The following ZFHX3 variants were observed in gnomAD, a reference collection of about 807,000 sequenced individuals.
ZFHX3 encodes zinc finger homeobox protein 3.
Under a neutral mutation model 279.1 loss-of-function variants are expected in ZFHX3, and 42 were observed. The ratio of observed to expected loss-of-function variants is 0.15; its 90% CI spans 0.12 to 0.19. ZFHX3 has a LOEUF of 0.19. Among genes scored for constraint, ZFHX3 ranks in the 10% least tolerant of loss-of-function variants. The pLI, the probability that ZFHX3 is intolerant of heterozygous loss-of-function variation, is 1.00. For synonymous variants in ZFHX3, 2,293 were observed against 1,957.8 expected, an observed-to-expected ratio of 1.17 and a Z score of -4.52; for missense variants, 4,981 against 4,754.0, an observed-to-expected ratio of 1.05 and a Z score of -1.40.
At chr16:73,416,556 G>A (rs1443128594) in intron 3 of ZFHX3, among the ~76,000 whole-genome samples, 1 of 152,154 alleles carries the variant, frequency 6.6e-6, no homozygotes, top group Non-Finnish European at 1.5e-5. Context: ...GGTGCTGCCA[G>A]GGGTACTCAA....
chr16:73,251,678 A>AC (rs1273848594), intron 5 of ZFHX3, among the ~76,000 whole-genome samples: 1 of 151,746 alleles, frequency 6.6e-6, no homozygotes, highest in African/African-American at 2.4e-5. Flanking sequence ...ACATTCACAC[A>AC]CATACACACC....
intron 2 of ZFHX3, among the ~76,000 whole-genome samples, chr16:73,622,506 G>T (rs1945461918): frequency 6.6e-6 from 1 of 152,150 alleles, no homozygotes; most frequent in South Asian, 2.1e-4. Context: ...AGCTTGCAGT[G>T]AGCCGAGATC....
intron 5 of ZFHX3, among the ~76,000 whole-genome samples, chr16:73,240,118 T>C (rs1011690043): frequency 2.0e-5 from 3 of 152,124 alleles, no homozygotes; most frequent in Admixed American, 6.5e-5. Flanking sequence ...CATACCTGAA[T>C]GAAGCTTAAT....
intron 2 of ZFHX3, among the ~76,000 whole-genome samples, chr16:73,641,945 G>A (rs370093408): frequency 2.0e-5 from 3 of 152,072 alleles, no homozygotes; most frequent in Non-Finnish European, 4.4e-5. Context: ...GATAGGTGAC[G>A]CGAGCTCTGG....
intron 1 of ZFHX3, among the ~76,000 whole-genome samples, chr16:73,840,852 C>A (rs879158727): frequency 6.6e-6 from 1 of 152,238 alleles, no homozygotes; most frequent in Middle Eastern, 3.4e-3. Flanking sequence ...CCCTTGGCAA[C>A]CATTTCACTC....
intron 1 of ZFHX3, among the ~76,000 whole-genome samples, chr16:72,976,851 C>T (rs1962369916): frequency 6.6e-6 from 1 of 152,172 alleles, no homozygotes; most frequent in African/African-American, 2.4e-5. Context: ...GCTGGGGAAC[C>T]CGGAGGCCCT....
intron 2 of ZFHX3, among the ~76,000 whole-genome samples, chr16:73,541,226 T>G (rs1332406863): frequency 6.6e-6 from 1 of 152,192 alleles, no homozygotes; most frequent in Non-Finnish European, 1.5e-5. Flanking sequence ...AAACACATGC[T>G]ATCATCCCAG....
At chr16:72,818,893 T>C (rs2036696595) in intron 5 of ZFHX3, among the ~76,000 whole-genome samples, 1 of 152,212 alleles carries the variant, frequency 6.6e-6, no homozygotes, top group African/African-American at 2.4e-5. Context: ...TTCACAGGCC[T>C]TTTGTTTCTA....
At chr16:73,457,973 G>A (rs1300793258) in intron 2 of ZFHX3, among the ~76,000 whole-genome samples, 1 of 152,098 alleles carries the variant, frequency 6.6e-6, no homozygotes, top group African/African-American at 2.4e-5. Context: ...AAGCTCAGGT[G>A]TTTAACAGAT....
intron 2 of ZFHX3, among the ~76,000 whole-genome samples, chr16:73,625,823 G>T (rs1225793058): frequency 6.6e-6 from 1 of 152,174 alleles, no homozygotes; most frequent in Non-Finnish European, 1.5e-5. Flanking sequence ...TCTAAAAGCT[G>T]CCTGTCCTCT....
chr16:72,855,321 A>G (rs1280819864), intron 4 of ZFHX3, among the ~76,000 whole-genome samples: 1 of 152,228 alleles, frequency 6.6e-6, no homozygotes, highest in Admixed American at 6.5e-5. Context: ...GAGCGCGTGC[A>G]CGCGTGTGAA....
intron 3 of ZFHX3, among the ~76,000 whole-genome samples, chr16:72,896,114 T>C (rs940981773): frequency 1.3e-5 from 2 of 152,196 alleles, no homozygotes; most frequent in African/African-American, 4.8e-5. Context: ...CCAAATGCTG[T>C]GCAGCGGATA....
Position 72,787,860 on chromosome 16 carries a change from C to T in ZFHX3, c.10416G>A (p.Ala3472=), listed in dbSNP as rs896836833. 5 of 1,613,876 alleles carry T rather than the reference C, an allele frequency of 3.1e-6. No individual in the cohort carries two copies. Among genetic ancestry groups the T allele is most frequent in the African/African-American group, 1.3e-5 (1 of 75,006 alleles). ...TCGCTGCCTCCTCGTCGCTGAAGCC[C>T]GCCTGGCACTTGCGGCAGACCAACT... The part of the protein sequence containing the change: ...QYKLVCRKCQ[A]GFSDEEAARS... The change falls in exon 10 of 10, where the codon GCG becomes GCA. Residue 3472 remains alanine (A), a synonymous_variant. Coordinates refer to ENST00000268489, the MANE Select transcript of ZFHX3 (RefSeq NM_006885.4).
intron 2 of ZFHX3, among the ~76,000 whole-genome samples, chr16:73,484,155 G>T (rs534125979): frequency 1.3e-5 from 2 of 152,152 alleles, no homozygotes; most frequent in African/African-American, 4.8e-5. Context: ...TTCCCGCCCA[G>T]AGTCCTAGGT....
intron 3 of ZFHX3, among the ~76,000 whole-genome samples, chr16:72,900,673 C>T (rs997414853): frequency 5.9e-5 from 9 of 152,188 alleles, no homozygotes; most frequent in African/African-American, 1.9e-4. Flanking sequence ...GAGCGTGCAT[C>T]GGAAGCACCT....
At chr16:73,251,799 C>CAA (rs2013502528) in intron 5 of ZFHX3, among the ~76,000 whole-genome samples, 1 of 141,670 alleles carries the variant, frequency 7.1e-6, no homozygotes, top group African/African-American at 2.7e-5. Flanking sequence ...ACCATGCACA[C>CAA]ACGCACACAC....
At chr16:73,299,384 C>T (rs961399743) in intron 4 of ZFHX3, among the ~76,000 whole-genome samples, 1 of 152,182 alleles carries the variant, frequency 6.6e-6, no homozygotes, top group African/African-American at 2.4e-5. Context: ...GCAGTTCTAC[C>T]TCCAACATCA....
intron 3 of ZFHX3, among the ~76,000 whole-genome samples, chr16:73,334,226 C>A (rs904232286): frequency 6.6e-6 from 1 of 152,110 alleles, no homozygotes; most frequent in African/African-American, 2.4e-5. Context: ...TTCATCGCTG[C>A]CTCTCTGCTG....
At chr16:73,877,294 A>C (rs1367616419) in intron 1 of ZFHX3, among the ~76,000 whole-genome samples, 2 of 152,222 alleles carry the variant, frequency 1.3e-5, no homozygotes, top group Admixed American at 6.5e-5. Flanking sequence ...AATGAGGACA[A>C]TCAGACCAGA....
Sources: gnomAD v4.1 joint callset for allele counts (sites outside exome capture counted in the v4.1 genomes callset) on GRCh38, gnomAD v4.1.1 for gene constraint, MANE v1.5 for transcripts, NCBI Gene and HGNC (gene_info 2026-07-23, HGNC 2026-07-21) for gene names.